Variants in ADGRL2 observed in about 807,000 individuals in gnomAD.
ADGRL2 encodes the protein adhesion G protein-coupled receptor L2, also known as calcium-independent alpha-latrotoxin receptor 2.
A neutral mutation model predicts 157.4 loss-of-function variants in ADGRL2; 44 were observed. The observed-to-expected ratio is 0.28, with a 90% CI of 0.22 to 0.36. The LOEUF (loss-of-function observed/expected upper bound fraction) is 0.36. ADGRL2 is among the 10% of genes least tolerant of loss of function. ADGRL2 has a pLI of 1.00. For missense variants in ADGRL2, 1,510 were observed against 1,768.9 expected (o/e 0.85, Z 2.63); for synonymous variants, 585 against 624.7 (o/e 0.94, Z 0.95).
At chr1:81,957,133 G>A (rs1345692947) in intron 11 of ADGRL2, among the ~76,000 whole-genome samples, 9 of 150,302 alleles carry the variant, frequency 6.0e-5, no homozygotes, top group South Asian at 4.2e-4. Flanking sequence ...AGTAATTACC[G>A]AAGTGGCATA....
chr1:81,952,002 A>G lies in ADGRL2; in HGVS notation c.1654A>G (p.Lys552Glu). The change falls in exon 9 of 24, where the codon AAA becomes GAA. Residue 552 changes from lysine (K) to glutamate (E), a missense_variant. Coordinates refer to ENST00000686636, the MANE Select transcript of ADGRL2 (RefSeq NM_001366006.2). The part of the protein sequence containing the change: ...NAASLANELA[K>E]HTKGPVFAGD... ...TGCTAGTCTTGCCAATGAACTGGCTAAACATACCAAAGGGCCAGTGTTTGC... is the reference window on the plus strand; with the variant it reads ...TGCTAGTCTTGCCAATGAACTGGCTGAACATACCAAAGGGCCAGTGTTTGC... 1 of 1,613,608 alleles carries G rather than the reference A, an allele frequency of 6.2e-7. No homozygotes were observed. The highest frequency in any genetic ancestry group is 8.5e-7 in the Non-Finnish European group (1 of 1,179,596).
chr1:81,586,381 G>T (rs1570574879), intron 3 of ADGRL2: 1 of 151,476 alleles, frequency 6.6e-6, no homozygotes, highest in East Asian at 1.9e-4. Context: ...AATGTGGCTG[G>T]AGGAAAAAAA....
At chr1:81,891,374 T>C (rs1001122657) in intron 2 of ADGRL2, among the ~76,000 whole-genome samples, 1 of 152,102 alleles carries the variant, frequency 6.6e-6, no homozygotes, top group Non-Finnish European at 1.5e-5. Flanking sequence ...TTTTGGTTAT[T>C]GTTAGAGTAT....
intron 1 of ADGRL2, among the ~76,000 whole-genome samples, chr1:81,353,726 A>G (rs555697868): frequency 6.6e-6 from 1 of 152,258 alleles, no homozygotes; most frequent in South Asian, 2.1e-4. Context: ...CTGAAGAGGG[A>G]GAAAAGGGTG....
chr1:81,637,380 C>T (rs1025841208), intron 3 of ADGRL2, among the ~76,000 whole-genome samples: 4 of 152,204 alleles, frequency 2.6e-5, no homozygotes, highest in African/African-American at 9.6e-5. Flanking sequence ...ACCCAGCTTC[C>T]ACGGCTAGTA....
At chr1:81,989,641 T>C (rs1275743053) in intron 23 of ADGRL2, 3 of 1,607,284 alleles carry the variant, frequency 1.9e-6, no homozygotes, top group Non-Finnish European at 2.5e-6. Context: ...TCATTTTACT[T>C]TCTTTTATAT....
At chr1:81,630,161 G>A (rs1408058322) in intron 3 of ADGRL2, among the ~76,000 whole-genome samples, 2 of 152,030 alleles carry the variant, frequency 1.3e-5, no homozygotes, top group African/African-American at 2.4e-5. Flanking sequence ...GACATATTGA[G>A]AGAGTGCTGG....
chr1:81,403,893 G>A (rs1366349685), intron 1 of ADGRL2, among the ~76,000 whole-genome samples: 1 of 151,026 alleles, frequency 6.6e-6, no homozygotes, highest in Non-Finnish European at 1.5e-5. Flanking sequence ...TGCCTCCCAG[G>A]TTCAAGTGAT....
chr1:81,720,643 G>A (rs1156739371), intron 1 of ADGRL2, among the ~76,000 whole-genome samples: 4 of 152,080 alleles, frequency 2.6e-5, no homozygotes, highest in African/African-American at 9.6e-5. Flanking sequence ...CAAAATTTTA[G>A]TAACACAAAT....
intron 1 of ADGRL2, among the ~76,000 whole-genome samples, chr1:81,804,276 C>T (rs1363569228): frequency 6.6e-6 from 1 of 152,176 alleles, no homozygotes; most frequent in Non-Finnish European, 1.5e-5. Context: ...TACTACAGAA[C>T]AAATGTTCTG....
Position 81,966,449 on chromosome 1 carries a change from T to C in ADGRL2, c.2189T>C (p.Phe730Ser), listed in dbSNP as rs765044063. Reference protein sequence around the residue: ...VFIIYRSLGQFLSTENATIKL... With the variant: ...VFIIYRSLGQSLSTENATIKL... ...ATCATTTACCGGAGCCTGGGACAGT[T>C]CCTTAGTACAGAAAATGCAACCATT... The change falls in exon 13 of 24, where the codon TTC becomes TCC. Residue 730 changes from phenylalanine to serine, a missense_variant. Transcript: ENST00000686636. The C allele has an allele frequency of 6.2e-7, 1 of 1,614,116 alleles. No homozygotes were observed. Among genetic ancestry groups the C allele is most frequent in the South Asian group, 1.1e-5 (1 of 91,074 alleles).
chr1:81,351,489 A>G (rs1445581278), intron 1 of ADGRL2, among the ~76,000 whole-genome samples: 2 of 152,198 alleles, frequency 1.3e-5, no homozygotes, highest in African/African-American at 2.4e-5. Context: ...AATAAATTTT[A>G]AAGTCAACAA....
chr1:81,472,949 A>T lies in ADGRL2; in HGVS notation c.-248+27860A>T, dbSNP rs528938857. Among the ~76,000 whole-genome samples the T allele has an allele frequency of 2.2e-3, 335 of 152,322 alleles. 4 individuals are homozygous for T. Among genetic ancestry groups the T allele is most frequent in the Non-Finnish European group, 3.8e-3 (261 of 68,036 alleles). ...GGGAAGGAGGAAGGAAACTGAGAGC[A>T]AAAGTGTCTGTCTGAGAACCCGTTC... is the stretch of plus-strand genomic sequence containing the variant. On this transcript the variant is annotated intron_variant, in intron 2 of 24. Coordinates refer to the ADGRL2 transcript ENST00000370721.
intron 1 of ADGRL2, among the ~76,000 whole-genome samples, chr1:81,425,926 A>G (rs1426549685): frequency 6.6e-6 from 1 of 152,108 alleles, no homozygotes; most frequent in Admixed American, 6.6e-5. Context: ...GACTGCACAG[A>G]TGCAATCATA....
chr1:81,814,904 A>G (rs1218857878), intron 1 of ADGRL2, among the ~76,000 whole-genome samples: 1 of 151,754 alleles, frequency 6.6e-6, no homozygotes, highest in Non-Finnish European at 1.5e-5. Context: ...ATAAAATTTT[A>G]TACATTTTCT....
At chr1:81,806,182 A>G (rs915168628) in intron 1 of ADGRL2, among the ~76,000 whole-genome samples, 7 of 152,102 alleles carry the variant, frequency 4.6e-5, no homozygotes, top group Admixed American at 2.0e-4. Context: ...AGAATTTCCA[A>G]TAAGTATAAT....
intron 11 of ADGRL2, among the ~76,000 whole-genome samples, chr1:81,961,013 C>G (rs1358067845): frequency 2.6e-5 from 4 of 152,170 alleles, no homozygotes; most frequent in Non-Finnish European, 4.4e-5. Flanking sequence ...CATAAAGGTG[C>G]AAGTCTCCTG....
chr1:81,731,836 C>A (rs1205792531), intron 1 of ADGRL2, among the ~76,000 whole-genome samples: 1 of 152,144 alleles, frequency 6.6e-6, no homozygotes, highest in East Asian at 1.9e-4. Context: ...TTGATCAACT[C>A]CTGTGCTCCT....
chr1:81,314,820 C>T (rs116778495), intron 1 of ADGRL2, among the ~76,000 whole-genome samples: 1 of 152,150 alleles, frequency 6.6e-6, no homozygotes, highest in African/African-American at 2.4e-5. Context: ...AGTTTGCCAA[C>T]TCCTCTGAAA....
Sources: gnomAD v4.1 joint callset for allele counts (sites outside exome capture counted in the v4.1 genomes callset) on GRCh38, gnomAD v4.1.1 for gene constraint, MANE v1.5 for transcripts, NCBI Gene and HGNC (gene_info 2026-07-23, HGNC 2026-07-21) for gene names.